Variants in MYO18B observed in about 807,000 individuals in gnomAD.
MYO18B encodes the protein unconventional myosin-XVIIIb.
In MYO18B, 204 loss-of-function variants were observed where a neutral mutation model predicts 273.0. That is an observed-to-expected ratio of 0.75 (90% CI 0.67 to 0.84). The LOEUF is 0.84. MYO18B is among the 40% of genes least tolerant of loss of function. The probability of loss-of-function intolerance (pLI) is 0.00; values close to 1 mark genes in which losing one functional copy is unlikely to be tolerated. For synonymous variants in MYO18B, 1,330 were observed against 1,305.7 expected (o/e 1.02, Z -0.40); for missense variants, 3,212 against 3,287.6 (o/e 0.98, Z 0.56).
intron 8 of MYO18B, 120 bp from the exon 9 acceptor site, chr22:25,779,936 G>A: frequency 7.7e-7 from 1 of 1,303,762 alleles, no homozygotes; most frequent in South Asian, 1.5e-5. Context: ...GCCCACCGGG[G>A]GCTGAGGCCA....
At chr22:25,910,513 A>G (rs111677310) in intron 32 of MYO18B, among the ~76,000 whole-genome samples, 2 of 152,348 alleles carry the variant, frequency 1.3e-5, no homozygotes, top group African/African-American at 4.8e-5. Context: ...TATAACACCA[A>G]AAAATCTCAA....
intron 39 of MYO18B, among the ~76,000 whole-genome samples, chr22:25,970,299 C>T (rs2093023667): frequency 6.6e-6 from 1 of 152,094 alleles, no homozygotes; most frequent in African/African-American, 2.4e-5. Context: ...GTAGGCAAGC[C>T]CTGTGATTCA....
chr22:25,873,564 C>T (rs2091107385), intron 22 of MYO18B, among the ~76,000 whole-genome samples: 1 of 152,222 alleles, frequency 6.6e-6, no homozygotes, highest in Non-Finnish European at 1.5e-5. Flanking sequence ...CCTCAGCCTC[C>T]CGAGTAGCTG....
chr22:25,971,561 T>G (rs1327914023), intron 39 of MYO18B, among the ~76,000 whole-genome samples: 1 of 152,226 alleles, frequency 6.6e-6, no homozygotes, highest in Non-Finnish European at 1.5e-5. Context: ...GATCTTTTTG[T>G]AGCTCATTTG....
At chr22:25,945,718 C>T (rs1174022025) in intron 34 of MYO18B, among the ~76,000 whole-genome samples, 1 of 71,568 alleles carries the variant, frequency 1.4e-5, no homozygotes, top group Non-Finnish European at 2.7e-5. Context: ...CCTCGCCTCC[C>T]CTCCCCTCCC....
At chr22:25,904,569 A>C (rs577095777) in intron 31 of MYO18B, among the ~76,000 whole-genome samples, 11 of 152,118 alleles carry the variant, frequency 7.2e-5, no homozygotes, top group Non-Finnish European at 1.5e-4. Flanking sequence ...TTGAAGTGCT[A>C]CTCTTTGGGG....
At chr22:25,757,044 G>A (rs2086145614) in intron 1 of MYO18B, among the ~76,000 whole-genome samples, 1 of 152,160 alleles carries the variant, frequency 6.6e-6, no homozygotes, top group African/African-American at 2.4e-5. Flanking sequence ...TTGGGCAACA[G>A]AGCAGGACTG....
chr22:25,799,515 C>T (rs1351061422), intron 12 of MYO18B, among the ~76,000 whole-genome samples: 1 of 152,144 alleles, frequency 6.6e-6, no homozygotes, highest in African/African-American at 2.4e-5. Context: ...CCTTTGGGCC[C>T]AGAGCATAGA....
chr22:25,782,265 A>G (rs1399721154), intron 10 of MYO18B, among the ~76,000 whole-genome samples: 1 of 152,248 alleles, frequency 6.6e-6, no homozygotes, highest in Non-Finnish European at 1.5e-5. Flanking sequence ...CTGCTGTGAT[A>G]GTGGCATGTC....
At chr22:26,000,099 G>A (rs1223338828) in intron 40 of MYO18B, among the ~76,000 whole-genome samples, 1 of 152,248 alleles carries the variant, frequency 6.6e-6, no homozygotes, top group African/African-American at 2.4e-5. Context: ...TGCCCACTCA[G>A]CAGAAAACAA....
rs943465260 is a variant in MYO18B at position 25,746,713 on chromosome 22, C to T, written c.-110+4420C>T. ...AACCACGTGGCTCATACAACTGAGA[C>T]GCTAAATTTTTGATTTAATTTAGTT... On this transcript the variant is annotated intron_variant, in intron 1 of 43. Coordinates refer to ENST00000335473, the MANE Select transcript of MYO18B (RefSeq NM_032608.7). 3.9e-5 allele frequency among the ~76,000 whole-genome samples: 6 copies of T among 152,322 alleles called. No homozygotes were observed. In the South Asian group the frequency reaches 8.3e-4, roughly 21 times the overall value.
At position 25,777,695 on chromosome 22, in the gene MYO18B, G is replaced by A. The variant is rs372939044; in HGVS notation, c.1982G>A (p.Trp661Ter). ...GACCAGAGCATTGTGGCCCTGGGCT[G>A]GAGTGGCGCTGGGAAGACCACCTGC... is the stretch of plus-strand genomic sequence containing the variant. The part of the protein sequence containing the change: ...RRDQSIVALG[W>*]SGAGKTTCCE... Residue 661 changes from tryptophan to a stop codon, truncating the protein, a stop_gained, in exon 8 of 44, where the codon TGG becomes TAG. Coordinates refer to ENST00000335473, the MANE Select transcript of MYO18B (RefSeq NM_032608.7). LOFTEE classifies it high-confidence loss of function. 56 of 1,612,622 alleles carry A rather than the reference G, an allele frequency of 3.5e-5. No individual in the cohort carries two copies. The African/African-American group carries it at 5.5e-4, about 16-fold the overall frequency.
At chr22:25,747,462 C>G (rs540439175) in intron 1 of MYO18B, among the ~76,000 whole-genome samples, 20 of 152,322 alleles carry the variant, frequency 1.3e-4, no homozygotes, top group Admixed American at 1.0e-3. Context: ...TCCTGGCACT[C>G]AGCCACGAGG....
chr22:25,946,193 A>G lies in MYO18B; in HGVS notation c.5574A>G (p.Thr1858=). The change falls in exon 35 of 44, where the codon ACA becomes ACG. Residue 1858 remains threonine, a synonymous_variant. Coordinates refer to ENST00000335473, the MANE Select transcript of MYO18B (RefSeq NM_032608.7). ...CCTTGAAGACGCAGAAGGTGCTCAC[A>G]GCGGACCTGGAGAGCATGCACAGCG... ...EEALKTQKVL[T]ADLESMHSEL... is the part of the protein sequence containing the mutation. 1 of 1,584,464 alleles carries G rather than the reference A, an allele frequency of 6.3e-7. No individual in the cohort carries two copies. Among genetic ancestry groups the G allele is most frequent in the East Asian group, 2.3e-5 (1 of 43,232 alleles).
intron 17 of MYO18B, among the ~76,000 whole-genome samples, chr22:25,842,400 C>T (rs1403482464): frequency 1.3e-5 from 2 of 152,088 alleles, no homozygotes; most frequent in Non-Finnish European, 1.5e-5. Context: ...GGGCCAGGTG[C>T]GGTGGCTCAC....
chr22:25,999,072 A>G (rs1221444389), intron 40 of MYO18B, among the ~76,000 whole-genome samples: 2 of 152,164 alleles, frequency 1.3e-5, no homozygotes, highest in African/African-American at 2.4e-5. Flanking sequence ...GGCATATGTT[A>G]TCCTCAAAAC....
At chr22:25,910,919 T>C in intron 32 of MYO18B, 27 bp from the exon 33 acceptor site, 1 of 1,534,238 alleles carries the variant, frequency 6.5e-7, no homozygotes, top group East Asian at 2.4e-5. Context: ...ATTTACCCTG[T>C]GATGTTTCTT....
chr22:25,849,138 A>T (rs2146033394), intron 20 of MYO18B, among the ~76,000 whole-genome samples: 1 of 152,356 alleles, frequency 6.6e-6, no homozygotes, highest in East Asian at 1.9e-4. Context: ...CTTGGCAGGA[A>T]GTGCTGGGCC....
At chr22:25,819,095 T>G (rs997908533) in intron 12 of MYO18B, among the ~76,000 whole-genome samples, 2 of 152,072 alleles carry the variant, frequency 1.3e-5, no homozygotes, top group African/African-American at 2.4e-5. Flanking sequence ...CAAGCAAAGA[T>G]AGAAGAATCC....
Sources: gnomAD v4.1 joint callset for allele counts (sites outside exome capture counted in the v4.1 genomes callset) on GRCh38, gnomAD v4.1.1 for gene constraint, MANE v1.5 for transcripts, NCBI Gene and HGNC (gene_info 2026-07-23, HGNC 2026-07-21) for gene names.